The following CHRM3 variants were observed in gnomAD, a reference collection of about 807,000 sequenced individuals.
CHRM3 encodes cholinergic receptor muscarinic 3.
In CHRM3, 11 loss-of-function variants were observed where a neutral mutation model predicts 41.8. That is an observed-to-expected ratio of 0.26 (90% CI 0.17 to 0.44). The LOEUF is 0.44. Among genes scored for constraint, CHRM3 ranks in the 20% least tolerant of loss-of-function variants. The probability of loss-of-function intolerance (pLI) is 1.00; values close to 1 mark genes in which losing one functional copy is unlikely to be tolerated. For synonymous variants in CHRM3, 297 were observed against 301.4 expected, an observed-to-expected ratio of 0.99 and a Z score of 0.15; for missense variants, 571 against 745.4, an observed-to-expected ratio of 0.77 and a Z score of 2.72.
At chr1:239,497,018 AGGATC>A (rs2148107771) in intron 2 of CHRM3, among the ~76,000 whole-genome samples, 1 of 152,302 alleles carries the variant, frequency 6.6e-6, no homozygotes, top group Admixed American at 6.5e-5. Context: ...ATTCCCAAGT[AGGATC>A]TATTGAAAAT....
intron 4 of CHRM3, among the ~76,000 whole-genome samples, chr1:239,638,225 G>A (rs1328468488): frequency 2.0e-5 from 3 of 150,654 alleles, no homozygotes; most frequent in African/African-American, 7.3e-5. Flanking sequence ...ATAAACATAC[G>A]TGTGCATGTG....
chr1:239,674,134 C>T (rs868005915), intron 4 of CHRM3, among the ~76,000 whole-genome samples: 3 of 152,168 alleles, frequency 2.0e-5, no homozygotes, highest in East Asian at 1.9e-4. Flanking sequence ...TGTAATGTTA[C>T]GGTGATCATT....
At chr1:239,638,314 T>C (rs969616550) in intron 4 of CHRM3, among the ~76,000 whole-genome samples, 1 of 151,888 alleles carries the variant, frequency 6.6e-6, no homozygotes, top group Non-Finnish European at 1.5e-5. Flanking sequence ...TATTTCTAGT[T>C]CTACATCCCT....
intron 5 of CHRM3, among the ~76,000 whole-genome samples, chr1:239,735,747 G>A (rs765003164): frequency 9.9e-5 from 15 of 152,064 alleles, no homozygotes; most frequent in Non-Finnish European, 1.9e-4. Flanking sequence ...GCCACCTGGA[G>A]AAAAATCTTC....
chr1:239,785,742 G>A (rs541778353), intron 5 of CHRM3, among the ~76,000 whole-genome samples: 17 of 151,650 alleles, frequency 1.1e-4, no homozygotes, highest in South Asian at 8.3e-4. Flanking sequence ...TAGTTTCTTC[G>A]TGGAAAAAAA....
At chr1:239,700,637 A>G (rs1283216212) in intron 5 of CHRM3, among the ~76,000 whole-genome samples, 3 of 152,104 alleles carry the variant, frequency 2.0e-5, no homozygotes, top group Non-Finnish European at 4.4e-5. Flanking sequence ...CTGGCATCTT[A>G]ATGGGCATAT....
intron 1 of CHRM3, among the ~76,000 whole-genome samples, chr1:239,428,068 C>G (rs990984868): frequency 9.2e-5 from 14 of 152,174 alleles, no homozygotes; most frequent in African/African-American, 3.1e-4. Flanking sequence ...ATATAGTAGA[C>G]TCCTTCTCAC....
At chr1:239,667,163 T>C (rs1446623271) in intron 4 of CHRM3, among the ~76,000 whole-genome samples, 2 of 152,198 alleles carry the variant, frequency 1.3e-5, no homozygotes, top group African/African-American at 4.8e-5. Context: ...TATTGGCAGC[T>C]GAGCAAGCCA....
chr1:239,813,736 TG>T (rs1410717562), intron 5 of CHRM3, among the ~76,000 whole-genome samples: 2 of 121,618 alleles, frequency 1.6e-5, no homozygotes, highest in Non-Finnish European at 3.3e-5. Context: ...GCTAACACGG[TG>T]AAACCCCGTC....
At chr1:239,639,673 T>G (rs1382976413) in intron 4 of CHRM3, among the ~76,000 whole-genome samples, 3 of 151,866 alleles carry the variant, frequency 2.0e-5, no homozygotes, top group South Asian at 2.1e-4. Flanking sequence ...GCTGAGACAA[T>G]GGGGTTTTCT....
chr1:239,571,116 G>A (rs1017375490), intron 3 of CHRM3, among the ~76,000 whole-genome samples: 14 of 152,010 alleles, frequency 9.2e-5, no homozygotes, highest in East Asian at 3.9e-4. Flanking sequence ...TGGATAACCC[G>A]AATCTACCCA....
intron 3 of CHRM3, among the ~76,000 whole-genome samples, chr1:239,547,753 T>G (rs958512761): frequency 2.6e-5 from 4 of 152,194 alleles, no homozygotes; most frequent in Admixed American, 2.0e-4. Context: ...CCACGTGTTA[T>G]ATTTAAAGGA....
At chr1:239,752,274 A>C (rs927686604) in intron 5 of CHRM3, among the ~76,000 whole-genome samples, 10 of 152,186 alleles carry the variant, frequency 6.6e-5, no homozygotes, top group Non-Finnish European at 1.3e-4. Context: ...TCATAATTGC[A>C]AGGGATGCTG....
At chr1:239,584,321 C>T (rs1663199820) in intron 3 of CHRM3, among the ~76,000 whole-genome samples, 1 of 151,940 alleles carries the variant, frequency 6.6e-6, no homozygotes, top group Non-Finnish European at 1.5e-5. Flanking sequence ...CCAGGCTGGT[C>T]TCGAACACCT....
chr1:239,510,928 C>A (rs1668878601), intron 2 of CHRM3, among the ~76,000 whole-genome samples: 3 of 152,078 alleles, frequency 2.0e-5, no homozygotes, highest in Non-Finnish European at 4.4e-5. Flanking sequence ...CAGAATAGAT[C>A]ATGAAACATT....
At chr1:239,452,809 TA>T (rs757370758) in intron 1 of CHRM3, among the ~76,000 whole-genome samples, 8 of 152,174 alleles carry the variant, frequency 5.3e-5, no homozygotes, top group South Asian at 2.1e-4. Flanking sequence ...ATTTTCTTAT[TA>T]TTTTTTTTGA....
At chr1:239,875,548 A>G (rs565487630) in intron 6 of CHRM3, among the ~76,000 whole-genome samples, 2 of 152,228 alleles carry the variant, frequency 1.3e-5, no homozygotes, top group Non-Finnish European at 2.9e-5. Flanking sequence ...CAGGCTGCAC[A>G]AAATAAGGCA....
At chr1:239,602,115 T>TAC (rs1665654065) in intron 3 of CHRM3, among the ~76,000 whole-genome samples, 1 of 139,814 alleles carries the variant, frequency 7.2e-6, no homozygotes, top group Middle Eastern at 3.3e-3. Flanking sequence ...TGTGTGTATA[T>TAC]ATATATATAT....
intron 3 of CHRM3, among the ~76,000 whole-genome samples, chr1:239,583,145 G>A (rs1165312960): frequency 1.3e-5 from 2 of 152,142 alleles, no homozygotes; most frequent in Non-Finnish European, 2.9e-5. Context: ...TGTTTTCCTT[G>A]AAAGAGCGAA....
Sources: gnomAD v4.1 joint callset for allele counts (sites outside exome capture counted in the v4.1 genomes callset) on GRCh38, gnomAD v4.1.1 for gene constraint, MANE v1.5 for transcripts, NCBI Gene and HGNC (gene_info 2026-07-23, HGNC 2026-07-21) for gene names.